Variants in CD276 observed in about 807,000 individuals in gnomAD.
CD276 encodes the protein CD276 molecule.
Under a neutral mutation model 50.0 loss-of-function variants are expected in CD276, and 34 were observed. The observed-to-expected ratio is 0.68, with a 90% CI of 0.52 to 0.91. The LOEUF is 0.91. CD276 is among the 40% of genes least tolerant of loss of function. CD276 has a pLI of 0.00. For synonymous variants in CD276, 275 were observed against 313.0 expected, an observed-to-expected ratio of 0.88 and a Z score of 1.28; for missense variants, 634 against 717.5, an observed-to-expected ratio of 0.88 and a Z score of 1.33.
chr15:73,694,920 A>G (rs1900123104), intron 1 of CD276, among the ~76,000 whole-genome samples: 2 of 152,148 alleles, frequency 1.3e-5, no homozygotes, highest in African/African-American at 2.4e-5. Flanking sequence ...GGATCACTTG[A>G]GCCCAGGAGT....
chr15:73,691,441 C>G (rs1183523278), intron 1 of CD276, among the ~76,000 whole-genome samples: 1 of 152,192 alleles, frequency 6.6e-6, no homozygotes, highest in Non-Finnish European at 1.5e-5. Flanking sequence ...GTAATCTCAA[C>G]AAGAAAGAGT....
chr15:73,712,688 G>A (rs935468523), intron 9 of CD276, among the ~76,000 whole-genome samples: 3 of 152,140 alleles, frequency 2.0e-5, no homozygotes, highest in African/African-American at 4.8e-5. Context: ...GGGCCTGTGG[G>A]TACTGAGAGG....
intron 1 of CD276, among the ~76,000 whole-genome samples, chr15:73,691,531 T>A (rs973518187): frequency 3.3e-5 from 5 of 152,136 alleles, no homozygotes; most frequent in African/African-American, 1.2e-4. Context: ...ATTCTCGAAC[T>A]AATCACTGAG....
intron 1 of CD276, 47 bp from the exon 2 acceptor site, chr15:73,699,539 T>A (rs184952413): frequency 1.2e-4 from 191 of 1,544,290 alleles, no homozygotes; most frequent in Non-Finnish European, 1.5e-4. Flanking sequence ...AGAGATGGTC[T>A]GGGGAGAACC....
intron 1 of CD276, among the ~76,000 whole-genome samples, chr15:73,686,119 G>A (rs2141528333): frequency 6.6e-6 from 1 of 152,274 alleles, no homozygotes; most frequent in East Asian, 1.9e-4. Context: ...TGTATGGCAA[G>A]GGGACGCTGG....
chr15:73,708,230 A>T, intron 6 of CD276, 109 bp from the exon 7 acceptor site: 1 of 1,186,428 alleles, frequency 8.4e-7, no homozygotes, highest in Non-Finnish European at 1.2e-6. Context: ...TCATAGTGTT[A>T]GGGCCCAGTG....
intron 6 of CD276, among the ~76,000 whole-genome samples, chr15:73,706,390 T>C (rs1327261762): frequency 1.3e-5 from 2 of 152,198 alleles, no homozygotes; most frequent in Admixed American, 6.5e-5. Context: ...TCTCAATCTT[T>C]GGGGGTCAGA....
At chr15:73,710,211 C>T (rs1309997882) in intron 8 of CD276, among the ~76,000 whole-genome samples, 1 of 152,170 alleles carries the variant, frequency 6.6e-6, no homozygotes, top group African/African-American at 2.4e-5. Flanking sequence ...ACTCTGGAGT[C>T]CTATTACTAT....
intron 4 of CD276, among the ~76,000 whole-genome samples, 171 bp downstream of exon 4, chr15:73,703,257 C>T (rs867268462): frequency 5.3e-5 from 8 of 152,022 alleles, no homozygotes; most frequent in Admixed American, 1.3e-4. Flanking sequence ...GGGTTGGGGG[C>T]GGAGAAATCA....
rs1181690174 is a variant in CD276, at chr15:73,694,883, C to T, written c.-54-4703C>T. On this transcript the variant is annotated intron_variant, in intron 1 of 9. Transcript: ENST00000318443. ...GGGTGTGCTGGCAGCACCTGTAGTC[C>T]CTGTTACTCGGGAGGCTGAGGCAGG... 2.6e-5 allele frequency among the ~76,000 whole-genome samples: 4 copies of T among 152,266 alleles called. No homozygotes were observed. The South Asian group carries it at 8.3e-4, about 32-fold the overall frequency.
Position 73,703,079 on chromosome 15 carries a change from C to T in CD276, c.726C>T (p.Ser242=). The T allele has an allele frequency of 6.3e-7, 1 of 1,596,124 alleles. No individual in the cohort carries two copies. The highest frequency in any genetic ancestry group is 1.1e-5 in the South Asian group (1 of 89,318). The change falls in exon 4 of 10, where the codon AGC becomes AGT. Residue 242 remains serine (S), a synonymous_variant. Transcript: ENST00000318443. ...CTGTCACCATCACACCCCAGAGAAG[C>T]CCCACAGGTTGCTTTGCTTAAATGT... ...HSSVTITPQR[S]PTGAVEVQVP... is the part of the protein sequence containing the mutation.
chr15:73,698,832 G>C (rs962413408), intron 1 of CD276, among the ~76,000 whole-genome samples: 15 of 152,194 alleles, frequency 9.9e-5, no homozygotes, highest in African/African-American at 3.6e-4. Flanking sequence ...AAAGTGCTGG[G>C]ATTACAGGCA....
intron 8 of CD276, among the ~76,000 whole-genome samples, chr15:73,710,508 T>C (rs1049778286): frequency 6.6e-6 from 1 of 152,144 alleles, no homozygotes; most frequent in Non-Finnish European, 1.5e-5. Context: ...GAGAGGCAGG[T>C]TTCCGCTGAG....
rs767983332 is a variant in CD276, at chr15:73,699,755, A to G, written c.79+37A>G. The G allele has an allele frequency of 3.9e-6, 6 of 1,550,564 alleles. No individual in the cohort carries two copies. The Admixed American group carries it at 1.1e-4, about 29-fold the overall frequency. ...AGCATGGGGACGGGAGGGGAGGGAC[A>G]GTGATTGTGGCAGTTGGGGAGGGGG... On this transcript the variant is annotated intron_variant, in intron 2 of 9. Transcript: ENST00000318443.
At chr15:73,709,250 C>T (rs886432726) in intron 7 of CD276, among the ~76,000 whole-genome samples, 2 of 151,842 alleles carry the variant, frequency 1.3e-5, no homozygotes, top group South Asian at 2.1e-4. Context: ...GGTGGATGGT[C>T]TTTGGCTGGG....
intron 2 of CD276, among the ~76,000 whole-genome samples, chr15:73,701,084 T>TG (rs1381474264): frequency 6.6e-6 from 1 of 150,882 alleles, no homozygotes; most frequent in Non-Finnish European, 1.5e-5. Context: ...TTAGTAGAGG[T>TG]GGGGTTTCAC....
Position 73,708,385 on chromosome 15 carries a change from G to GCTGT in CD276, c.1427_1430dup (p.Ile478SerfsTer21), listed in dbSNP as rs568647279. ...CAGAGGCCCTGTGGGTGACCGTGGGGCTGTCTGTCTGTCTCATTGCACTGC... is the reference window on the plus strand; with the variant it reads ...CAGAGGCCCTGTGGGTGACCGTGGGGCTGTCTGTCTGTCTGTCTCATTGCACTGC... On this transcript the variant is annotated frameshift_variant, in exon 7 of 10. Coordinates refer to ENST00000318443, the MANE Select transcript of CD276 (RefSeq NM_001024736.2). LOFTEE classifies it high-confidence loss of function. The GCTGT allele has an allele frequency of 1.2e-6, 2 of 1,614,174 alleles. No homozygotes were observed. The highest frequency in any genetic ancestry group is 1.1e-5 in the South Asian group (1 of 91,086).
chr15:73,698,556 CTCTT>C (rs1232861956), intron 1 of CD276, among the ~76,000 whole-genome samples: 1 of 152,014 alleles, frequency 6.6e-6, no homozygotes, highest in Non-Finnish European at 1.5e-5. Flanking sequence ...CTATATTAGC[CTCTT>C]TTTTTATTTT....
chr15:73,685,949 T>C (rs987927442), intron 1 of CD276, among the ~76,000 whole-genome samples: 7 of 152,148 alleles, frequency 4.6e-5, no homozygotes, highest in African/African-American at 1.7e-4. Context: ...TTTCCTGATA[T>C]CTGGAGTTCT....
Sources: gnomAD v4.1 joint callset for allele counts (sites outside exome capture counted in the v4.1 genomes callset) on GRCh38, gnomAD v4.1.1 for gene constraint, MANE v1.5 for transcripts, NCBI Gene and HGNC (gene_info 2026-07-23, HGNC 2026-07-21) for gene names.